Variants in PRKAG2 observed in about 807,000 individuals in gnomAD.
PRKAG2 encodes the protein protein kinase AMP-activated non-catalytic subunit gamma 2, also known as 5'-AMP-activated protein kinase subunit gamma-2.
Under a neutral mutation model 69.6 loss-of-function variants are expected in PRKAG2, and 26 were observed. That is an observed-to-expected ratio of 0.37 (90% CI 0.27 to 0.52). PRKAG2 has a LOEUF of 0.52. Among genes scored for constraint, PRKAG2 ranks in the 20% least tolerant of loss-of-function variants. The probability of loss-of-function intolerance (pLI) is 0.90; values close to 1 mark genes in which losing one functional copy is unlikely to be tolerated. For synonymous variants in PRKAG2, 293 were observed against 285.0 expected, an observed-to-expected ratio of 1.03 and a Z score of -0.28; for missense variants, 557 against 740.0, an observed-to-expected ratio of 0.75 and a Z score of 2.87.
intron 3 of PRKAG2, among the ~76,000 whole-genome samples, chr7:151,707,290 G>T (rs907480599): frequency 1.3e-5 from 2 of 152,208 alleles, no homozygotes; most frequent in Admixed American, 6.5e-5. Flanking sequence ...GGTGAGCAGG[G>T]GACCTCAATA....
chr7:151,673,076 A>T (rs1195094061), intron 4 of PRKAG2, among the ~76,000 whole-genome samples: 1 of 152,146 alleles, frequency 6.6e-6, no homozygotes, highest in Non-Finnish European at 1.5e-5. Flanking sequence ...CAGCAAACCC[A>T]GAGCACTCCC....
chr7:151,815,916 G>A (rs1284594704), intron 1 of PRKAG2, among the ~76,000 whole-genome samples: 1 of 152,214 alleles, frequency 6.6e-6, no homozygotes, highest in East Asian at 1.9e-4. Context: ...AGGTATTCAA[G>A]AAAAGGAGGC....
chr7:151,827,805 TTCCAATGCCAGAGC>T (rs2078942652), intron 1 of PRKAG2, among the ~76,000 whole-genome samples: 1 of 145,254 alleles, frequency 6.9e-6, no homozygotes, highest in Admixed American at 6.9e-5. Context: ...GTGGTATGAC[TTCCAATGCCAGAGC>T]CTACGTGCCT....
Position 151,719,574 on chromosome 7 carries a change from C to A in PRKAG2, c.467-43937G>T, listed in dbSNP as rs533891537. On this transcript the variant is annotated intron_variant, in intron 3 of 15. Transcript: ENST00000287878. The surrounding 1 kb of genome is among the most constrained non-coding windows in gnomAD (Gnocchi z 5.2). ...GAAAGAAGATGCCCCCTGTCTTCTG[C>A]CTCCTACCCTCATCCTTCCCGGGCA... is the stretch of plus-strand genomic sequence containing the variant. Among the ~76,000 whole-genome samples, 1 of 152,250 alleles carries A rather than the reference C, an allele frequency of 6.6e-6. No homozygotes were observed. The highest frequency in any genetic ancestry group is 1.5e-5 in the Non-Finnish European group (1 of 68,018).
rs12333340 is a variant in PRKAG2 at position 151,656,136 on chromosome 7, T to C, written c.684+19284A>G. 5.0e-3 allele frequency among the ~76,000 whole-genome samples: 764 copies of C among 152,332 alleles called. 3 individuals carry two copies. The highest frequency in any genetic ancestry group is 0.018 in the African/African-American group (729 of 41,564). ...TTAAGTTTTAAAAATTATAAGTACA[T>C]ATTCATTTATCATAGCCATTGATAA... On this transcript the variant is annotated intron_variant, in intron 4 of 15. Transcript: ENST00000287878.
chr7:151,875,264 A>G (rs1297124458), intron 1 of PRKAG2, among the ~76,000 whole-genome samples: 3 of 150,356 alleles, frequency 2.0e-5, no homozygotes, highest in African/African-American at 7.4e-5. Context: ...ACTTGGCATC[A>G]GGTGTCTGGA....
intron 3 of PRKAG2, among the ~76,000 whole-genome samples, chr7:151,715,379 T>G (rs1000934087): frequency 6.9e-6 from 1 of 145,028 alleles, no homozygotes; most frequent in Non-Finnish European, 1.5e-5. Flanking sequence ...ACAGAGTTCC[T>G]GTCTGTTGCC....
intron 1 of PRKAG2, among the ~76,000 whole-genome samples, chr7:151,829,420 G>A (rs2078974363): frequency 6.6e-6 from 1 of 152,148 alleles, no homozygotes; most frequent in Non-Finnish European, 1.5e-5. Flanking sequence ...GGGAATTGCT[G>A]GTGGGAATGT....
At chr7:151,766,942 A>G (rs771788354) in intron 3 of PRKAG2, among the ~76,000 whole-genome samples, 7 of 152,170 alleles carry the variant, frequency 4.6e-5, no homozygotes, top group Non-Finnish European at 1.0e-4. Flanking sequence ...TGAAATCCTA[A>G]CTCACAGCAC....
intron 1 of PRKAG2, among the ~76,000 whole-genome samples, chr7:151,871,169 T>G (rs900996487): frequency 5.3e-5 from 8 of 152,254 alleles, no homozygotes; most frequent in Non-Finnish European, 7.3e-5. Flanking sequence ...CTATGAACTT[T>G]AGCACTAATA....
chr7:151,675,748 G>A (rs1308171106), intron 3 of PRKAG2, 111 bp from the exon 4 acceptor site: 17 of 1,096,398 alleles, frequency 1.6e-5, no homozygotes, highest in Admixed American at 1.5e-4. Context: ...TCAGAGGTCC[G>A]GCCTCCAGGA....
At chr7:151,660,009 T>C (rs749272199) in intron 4 of PRKAG2, among the ~76,000 whole-genome samples, 1 of 152,206 alleles carries the variant, frequency 6.6e-6, no homozygotes, top group Non-Finnish European at 1.5e-5. Flanking sequence ...CAGTGAGCTA[T>C]GATCATGCCA....
intron 3 of PRKAG2, among the ~76,000 whole-genome samples, chr7:151,683,457 G>A (rs1403154061): frequency 1.3e-5 from 2 of 152,112 alleles, no homozygotes; most frequent in Non-Finnish European, 2.9e-5. Context: ...GGTGCAATCC[G>A]GCCCCTCCAC....
rs575674668 is a variant in PRKAG2, at chr7:151,562,244, C to CAAAAAA, written c.1585-1633_1585-1628dup. 1.3e-4 allele frequency among the ~76,000 whole-genome samples: 5 copies of CAAAAAA among 38,452 alleles called. 1 individual carries two copies. The highest frequency in any genetic ancestry group is 1.4e-3 in the East Asian group (2 of 1,380). 25.2% of individuals were successfully genotyped at this position (38,452 alleles called of 152,430 possible). A position where few individuals can be genotyped will look rare whatever the true frequency, so the allele number is the denominator to read the frequency against. On this transcript the variant is annotated intron_variant, in intron 14 of 15. Transcript: ENST00000287878. Reference sequence around the variant, plus strand: ...TGGGCGACAGAGTGAGACTTTGTCTCAAAAAAAAAAAAAAAAAAAAAAAAA... The same window carrying CAAAAAA: ...TGGGCGACAGAGTGAGACTTTGTCTCAAAAAAAAAAAAAAAAAAAAAAAAAAAAAAA...
At position 151,836,623 on chromosome 7, in the gene PRKAG2, C is replaced by T. The variant is rs12535957; in HGVS notation, c.114+39884G>A. ...AGGCTGGGGTAGTCTCTAGGCTGTC[C>T]CAGCTGTGCCTCTGGCCTCCTGTCT... On this transcript the variant is annotated intron_variant, in intron 1 of 15. Transcript: ENST00000287878. This position sits in a 1 kb window ranked among gnomAD's most constrained non-coding sequence, Gnocchi z 4.1. Among the ~76,000 whole-genome samples the T allele has an allele frequency of 0.2, 30,983 of 152,156 alleles. 3,780 individuals carry two copies. Among genetic ancestry groups the T allele is most frequent in the Middle Eastern group, 0.31 (92 of 294 alleles).
chr7:151,755,771 C>A (rs991858225), intron 3 of PRKAG2, among the ~76,000 whole-genome samples: 1 of 152,188 alleles, frequency 6.6e-6, no homozygotes, highest in African/African-American at 2.4e-5. Context: ...TGAAGAGACT[C>A]CTCTCCTTGC....
intron 5 of PRKAG2, among the ~76,000 whole-genome samples, chr7:151,612,200 G>C (rs1168843924): frequency 6.6e-6 from 1 of 152,188 alleles, no homozygotes; most frequent in Non-Finnish European, 1.5e-5. Context: ...TGCTCAGCCT[G>C]TCTCTCCCCA....
In PRKAG2 at chr7:151,780,537, A is replaced by G. The variant is rs1319897623; in HGVS notation, c.466+615T>C. Among the ~76,000 whole-genome samples, 1 of 152,184 alleles carries G rather than the reference A, an allele frequency of 6.6e-6. No homozygotes were observed. Among genetic ancestry groups the G allele is most frequent in the Non-Finnish European group, 1.5e-5 (1 of 68,022 alleles). ...TTCATATTATCATCGACGGCGCTCAAATGAAAATACCTTATCCTCAGATCA... is the reference window on the plus strand; with the variant it reads ...TTCATATTATCATCGACGGCGCTCAGATGAAAATACCTTATCCTCAGATCA... On this transcript the variant is annotated intron_variant, in intron 3 of 15. Coordinates refer to ENST00000287878, the MANE Select transcript of PRKAG2 (RefSeq NM_016203.4). This position sits in a 1 kb window ranked among gnomAD's most constrained non-coding sequence, Gnocchi z 4.2.
At chr7:151,767,610 A>T (rs762698876) in intron 3 of PRKAG2, among the ~76,000 whole-genome samples, 2 of 152,184 alleles carry the variant, frequency 1.3e-5, no homozygotes, top group Non-Finnish European at 2.9e-5. Flanking sequence ...TGTTTAATGC[A>T]CGCAGTTTGT....
Sources: gnomAD v4.1 joint callset for allele counts (sites outside exome capture counted in the v4.1 genomes callset) on GRCh38, gnomAD v4.1.1 for gene constraint, Gnocchi (gnomAD v3.1) non-coding constraint, MANE v1.5 for transcripts, NCBI Gene and HGNC (gene_info 2026-07-23, HGNC 2026-07-21) for gene names.